Variants in PSD3 observed in about 807,000 individuals in gnomAD.
The protein encoded by PSD3 is pleckstrin and Sec7 domain containing 3.
In PSD3, 49 loss-of-function variants were observed where a neutral mutation model predicts 105.5. That is an observed-to-expected ratio of 0.46 (90% confidence interval 0.37 to 0.59). PSD3 has a LOEUF of 0.59. Ranked by LOEUF, PSD3 falls within the 20% of genes least tolerant of loss-of-function variation. The probability of loss-of-function intolerance (pLI) is 0.00; values close to 1 mark genes in which losing one functional copy is unlikely to be tolerated. For synonymous variants in PSD3, 557 were observed against 457.8 expected, an observed-to-expected ratio of 1.22 and a Z score of -2.77; for missense variants, 1,561 against 1,263.8, an observed-to-expected ratio of 1.24 and a Z score of -3.57.
intron 9 of PSD3, among the ~76,000 whole-genome samples, chr8:18,674,336 T>G (rs1009842737): frequency 2.6e-5 from 4 of 152,192 alleles, no homozygotes; most frequent in Non-Finnish European, 5.9e-5. Context: ...TTGATCTATT[T>G]CTTTCTTTAG....
intron 10 of PSD3, among the ~76,000 whole-genome samples, chr8:18,647,538 C>A (rs1808133005): frequency 6.6e-6 from 1 of 150,526 alleles, no homozygotes; most frequent in Non-Finnish European, 1.5e-5. Context: ...AAGGCCAATG[C>A]TGCTGTAACT....
chr8:18,907,300 T>C, intron 2 of PSD3, among the ~76,000 whole-genome samples: 1 of 152,132 alleles, frequency 6.6e-6, no homozygotes, highest in East Asian at 1.9e-4. Flanking sequence ...AAATGCCCTA[T>C]ATGATGGTAC....
intron 1 of PSD3, among the ~76,000 whole-genome samples, chr8:19,018,718 A>C (rs1827257063): frequency 6.6e-6 from 1 of 152,152 alleles, no homozygotes; most frequent in South Asian, 2.1e-4. Flanking sequence ...AACCAGAGAA[A>C]ATACTTTTTC....
At chr8:18,636,555 T>C (rs1453488809) in intron 10 of PSD3, among the ~76,000 whole-genome samples, 1 of 152,200 alleles carries the variant, frequency 6.6e-6, no homozygotes, top group Non-Finnish European at 1.5e-5. Context: ...TGTCGTAGGC[T>C]TTCAAATCCA....
chr8:18,792,577 G>T (rs1422056568), intron 8 of PSD3, among the ~76,000 whole-genome samples: 1 of 152,174 alleles, frequency 6.6e-6, no homozygotes, highest in Non-Finnish European at 1.5e-5. Context: ...TGGAGGGTGG[G>T]AGGAGTAAGA....
At chr8:18,599,798 G>T (rs937069967) in intron 12 of PSD3, among the ~76,000 whole-genome samples, 3 of 152,124 alleles carry the variant, frequency 2.0e-5, no homozygotes, top group African/African-American at 7.2e-5. Flanking sequence ...GGGGACTTTG[G>T]TATTTAAGGG....
At chr8:18,670,673 A>G (rs535548327) in intron 9 of PSD3, among the ~76,000 whole-genome samples, 1 of 152,372 alleles carries the variant, frequency 6.6e-6, no homozygotes, top group South Asian at 2.1e-4. Context: ...TGATATTTAA[A>G]GTCATTTAAG....
intron 1 of PSD3, among the ~76,000 whole-genome samples, chr8:18,990,719 T>C (rs1054037605): frequency 6.6e-6 from 1 of 152,176 alleles, no homozygotes; most frequent in African/African-American, 2.4e-5. Context: ...TTAAAGTAAT[T>C]ACACAATCAG....
chr8:19,077,998 T>C (rs764872338), intron 1 of PSD3, among the ~76,000 whole-genome samples: 9 of 39,460 alleles, frequency 2.3e-4, no homozygotes, highest in Non-Finnish European at 5.4e-4. Flanking sequence ...GTAAGTCTCA[T>C]TGTATCCTAT....
chr8:18,755,148 G>A (rs1000865399), intron 9 of PSD3, among the ~76,000 whole-genome samples: 1 of 152,098 alleles, frequency 6.6e-6, no homozygotes, highest in Non-Finnish European at 1.5e-5. Context: ...TCCAAACAAG[G>A]CCGGGTGCAG....
At chr8:19,041,367 T>A (rs1828118599) in intron 1 of PSD3, among the ~76,000 whole-genome samples, 2 of 152,330 alleles carry the variant, frequency 1.3e-5, no homozygotes, top group South Asian at 4.1e-4. Context: ...TGTACGATAC[T>A]CATTTTAGTT....
At chr8:18,904,653 A>G (rs1014169284) in intron 2 of PSD3, among the ~76,000 whole-genome samples, 14 of 152,216 alleles carry the variant, frequency 9.2e-5, no homozygotes, top group Non-Finnish European at 1.6e-4. Flanking sequence ...TTTTAAGTAC[A>G]TCTTCTGTAA....
intron 1 of PSD3, among the ~76,000 whole-genome samples, chr8:19,028,834 AGCC>A (rs1376158257): frequency 6.6e-6 from 1 of 152,126 alleles, no homozygotes; most frequent in Non-Finnish European, 1.5e-5. Context: ...TACATTTATG[AGCC>A]ATTATGTGTT....
chr8:18,666,439 G>T (rs573280055), intron 9 of PSD3, among the ~76,000 whole-genome samples: 1 of 152,300 alleles, frequency 6.6e-6, no homozygotes, highest in South Asian at 2.1e-4. Context: ...CTGTGGTCTA[G>T]AACTGAACCT....
intron 1 of PSD3, among the ~76,000 whole-genome samples, chr8:19,068,458 T>C (rs1829148391): frequency 6.6e-6 from 1 of 151,984 alleles, no homozygotes; most frequent in Non-Finnish European, 1.5e-5. Context: ...TCTGGATAAT[T>C]TTGTTTGTTT....
At chr8:18,873,602 C>G (rs1411536463) in intron 2 of PSD3, among the ~76,000 whole-genome samples, 1 of 152,156 alleles carries the variant, frequency 6.6e-6, no homozygotes, top group Admixed American at 6.5e-5. Flanking sequence ...TCTACTTACT[C>G]TTCTAGCAAT....
chr8:18,578,369 G>A (rs1414562397), intron 12 of PSD3, among the ~76,000 whole-genome samples: 2 of 152,118 alleles, frequency 1.3e-5, no homozygotes, highest in Non-Finnish European at 2.9e-5. Flanking sequence ...AGCTACGGCT[G>A]CATCCAGTGC....
chr8:19,032,425 T>C (rs893832893), intron 1 of PSD3, among the ~76,000 whole-genome samples: 6 of 152,092 alleles, frequency 3.9e-5, no homozygotes, highest in African/African-American at 9.7e-5. Flanking sequence ...GGAGGATTGC[T>C]TGTGCTCAGT....
intron 1 of PSD3, among the ~76,000 whole-genome samples, chr8:18,999,427 T>G (rs1021799073): frequency 2.0e-5 from 3 of 152,004 alleles, no homozygotes; most frequent in African/African-American, 7.2e-5. Context: ...CATGAAATTC[T>G]GCCCACATGA....
Sources: allele counts gnomAD v4.1 joint callset (sites outside exome capture counted in the v4.1 genomes callset), GRCh38; gene constraint gnomAD v4.1.1; transcripts MANE v1.5; gene names NCBI Gene and HGNC (gene_info 2026-07-23, HGNC 2026-07-21).